The following PAH variants were observed in gnomAD, a reference collection of about 807,000 sequenced individuals.
PAH encodes the protein phenylalanine-4-hydroxylase.
A neutral mutation model predicts 62.0 loss-of-function variants in PAH; 64 were observed. The observed-to-expected ratio is 1.03, with a 90% CI of 0.84 to 1.27. The LOEUF (loss-of-function observed/expected upper bound fraction) is 1.27. PAH is among the 50% of genes most tolerant of loss of function. PAH has a pLI of 0.00. For synonymous variants in PAH, 195 were observed against 196.2 expected, an observed-to-expected ratio of 0.99 and a Z score of 0.05; for missense variants, 579 against 542.8, an observed-to-expected ratio of 1.07 and a Z score of -0.66.
intron 2 of PAH, among the ~76,000 whole-genome samples, chr12:102,895,854 C>CAAAAAAAA (rs780516168): frequency 9.5e-6 from 1 of 105,038 alleles, no homozygotes; most frequent in African/African-American, 3.4e-5. Flanking sequence ...GACTCTGTCT[C>CAAAAAAAA]AAAAAAAAAA....
At position 102,955,926 on chromosome 12, in the gene PAH, G is replaced by A. The variant is rs143036845; in HGVS notation, c.-96+2269C>T. 3.2e-3 allele frequency among the ~76,000 whole-genome samples: 486 copies of A among 152,226 alleles called. 3 individuals are homozygous for A. The highest frequency in any genetic ancestry group is 0.011 in the African/African-American group (459 of 41,508). On this transcript the variant is annotated intron_variant, in intron 1 of 4. Transcript: ENST00000551337. ...CACGATTTGGTCCTATACCTCTGAA[G>A]CCTACCTATTCTGCAAAGATGAAAC...
chr12:102,955,649 C>T (rs1879888101), upstream of PAH, among the ~76,000 whole-genome samples: 1 of 152,178 alleles, frequency 6.6e-6, no homozygotes, highest in Admixed American at 6.5e-5. Flanking sequence ...CCTATTTCTG[C>T]AAGTGGTCTG....
At chr12:102,885,637 G>T (rs1877008039) in intron 3 of PAH, among the ~76,000 whole-genome samples, 1 of 152,184 alleles carries the variant, frequency 6.6e-6, no homozygotes, top group Non-Finnish European at 1.5e-5. Context: ...GCTCAGCCGG[G>T]ACGCCAAGGG....
upstream of PAH, among the ~76,000 whole-genome samples, chr12:102,954,854 T>C (rs1879866799): frequency 6.6e-6 from 1 of 152,208 alleles, no homozygotes; most frequent in Non-Finnish European, 1.5e-5. Context: ...AATTATAGAC[T>C]GTTCTACCCT....
intron 2 of PAH, among the ~76,000 whole-genome samples, chr12:102,901,086 G>A (rs961193912): frequency 1.3e-5 from 2 of 152,128 alleles, no homozygotes; most frequent in African/African-American, 4.8e-5. Flanking sequence ...TATCCTTTAA[G>A]AAAGCCTTTC....
chr12:102,930,977 A>G (rs1878849489), intron 1 of PAH, among the ~76,000 whole-genome samples: 1 of 152,200 alleles, frequency 6.6e-6, no homozygotes, highest in Non-Finnish European at 1.5e-5. Context: ...AAAATAAATT[A>G]TCTGTTTATT....
chr12:102,941,385 A>T (rs1879282013), intron 1 of PAH, among the ~76,000 whole-genome samples: 1 of 152,192 alleles, frequency 6.6e-6, no homozygotes. Flanking sequence ...CAGAAGCAAG[A>T]CCAAACTATA....
chr12:102,949,812 T>C (rs775729109), intron 1 of PAH, among the ~76,000 whole-genome samples: 104 of 152,258 alleles, frequency 6.8e-4, no homozygotes, highest in Non-Finnish European at 1.0e-3. Context: ...GAAGGGACCA[T>C]GGGGAAGAAG....
chr12:102,885,976 C>T (rs541616533), intron 3 of PAH: 2 of 152,474 alleles, frequency 1.3e-5, no homozygotes, highest in African/African-American at 2.4e-5. Context: ...AGAAGCAGTC[C>T]CTGTGTGCTG....
At chr12:102,952,156 C>T (rs1418086926), upstream of PAH, among the ~76,000 whole-genome samples, 3 of 152,184 alleles carry the variant, frequency 2.0e-5, no homozygotes, top group Non-Finnish European at 4.4e-5. Context: ...AGATAGGTTT[C>T]ATAGAGCCCT....
At chr12:102,907,521 G>A (rs1196075333) in intron 2 of PAH, among the ~76,000 whole-genome samples, 2 of 152,130 alleles carry the variant, frequency 1.3e-5, no homozygotes, top group African/African-American at 2.4e-5. Flanking sequence ...AGAGTCATAT[G>A]TGCCCAGCTC....
intron 4 of PAH, among the ~76,000 whole-genome samples, chr12:102,872,669 G>T (rs1396708174): frequency 6.6e-6 from 1 of 152,190 alleles, no homozygotes. Context: ...CACCTTGAAA[G>T]GTTAAAAACA....
At chr12:102,956,338 G>A (rs1879910479) in intron 1 of PAH, among the ~76,000 whole-genome samples, 1 of 152,242 alleles carries the variant, frequency 6.6e-6, no homozygotes, top group African/African-American at 2.4e-5. Context: ...CAGACGTCCT[G>A]AAGCTGGACG....
upstream of PAH, among the ~76,000 whole-genome samples, chr12:102,952,580 T>C (rs1006904689): frequency 2.0e-5 from 3 of 152,274 alleles, no homozygotes; most frequent in African/African-American, 7.2e-5. Flanking sequence ...GGAAGGTATT[T>C]AATCATAATG....
intron 2 of PAH, among the ~76,000 whole-genome samples, chr12:102,908,837 C>CTTTTTTT (rs3062641): frequency 5.0e-5 from 6 of 120,002 alleles, no homozygotes; most frequent in Admixed American, 9.7e-5. Flanking sequence ...CCTCATGTCT[C>CTTTTTTT]TTTTTTTTTT....
chr12:102,904,024 C>A (rs999795035), intron 2 of PAH, among the ~76,000 whole-genome samples: 1 of 152,036 alleles, frequency 6.6e-6, no homozygotes, highest in African/African-American at 2.4e-5. Context: ...ATGTTTAAAC[C>A]AATGCATAAA....
At chr12:102,922,853 C>G (rs1015565669) in intron 1 of PAH, among the ~76,000 whole-genome samples, 1 of 152,108 alleles carries the variant, frequency 6.6e-6, no homozygotes, top group South Asian at 2.1e-4. Context: ...AATTTATTAT[C>G]CATGTTGGAA....
intron 2 of PAH, among the ~76,000 whole-genome samples, chr12:102,910,184 G>C (rs991254164): frequency 6.6e-6 from 1 of 152,130 alleles, no homozygotes; most frequent in African/African-American, 2.4e-5. Context: ...TATATGCTGA[G>C]CACGCAAGGA....
intron 2 of PAH, among the ~76,000 whole-genome samples, chr12:102,899,455 A>T (rs1877646492): frequency 1.3e-5 from 2 of 152,200 alleles, no homozygotes; most frequent in Non-Finnish European, 2.9e-5. Flanking sequence ...CTTATGGGAA[A>T]ATTCACATAG....
Sources: allele counts gnomAD v4.1 joint callset (sites outside exome capture counted in the v4.1 genomes callset), GRCh38; gene constraint gnomAD v4.1.1; transcripts MANE v1.5; gene names NCBI Gene and HGNC (gene_info 2026-07-23, HGNC 2026-07-21).